The following CASZ1 variants were observed in gnomAD, a reference collection of about 807,000 sequenced individuals.
The protein encoded by CASZ1 is zinc finger protein castor homolog 1.
In CASZ1, 28 loss-of-function variants were observed where a neutral mutation model predicts 135.2. The observed-to-expected ratio is 0.21, with a 90% CI of 0.15 to 0.28. CASZ1 has a LOEUF of 0.28. Among genes scored for constraint, CASZ1 ranks in the 10% least tolerant of loss-of-function variants. CASZ1 has a pLI of 1.00. For missense variants in CASZ1, 2,161 were observed against 2,453.3 expected (o/e 0.88, Z 2.52); for synonymous variants, 1,068 against 1,073.4 (o/e 0.99, Z 0.10).
At position 10,756,138 on chromosome 1, in the gene CASZ1, C is replaced by G. The variant is rs1198229374; in HGVS notation, c.-77+4563G>C. On this transcript the variant is annotated intron_variant, in intron 2 of 20. Transcript: ENST00000377022. This position sits in a 1 kb window ranked among gnomAD's most constrained non-coding sequence, Gnocchi z 5.9. ...CGCCCCTCGGAGCCAGGCAGAGGCA[C>G]CAGCTGTAGGCCTGGGAGAGCCCCA... 2.6e-5 allele frequency among the ~76,000 whole-genome samples: 4 copies of G among 152,260 alleles called. No homozygotes were observed. The East Asian group carries it at 7.7e-4, about 29-fold the overall frequency.
Position 10,665,414 on chromosome 1 carries a change from T to A in CASZ1, c.174A>T (p.Pro58=), listed in dbSNP as rs1643200239. The change falls in exon 5 of 21, where the codon CCA becomes CCT. Residue 58 remains proline, a synonymous_variant. Coordinates refer to ENST00000377022, the MANE Select transcript of CASZ1 (RefSeq NM_001079843.3). The part of the protein sequence containing the change: ...ADAGSHTEGS[P]SQPRDQERSG... The stretch of plus-strand genomic sequence containing the variant: ...TGCGCTCTTGGTCCCGGGGCTGCGA[T>A]GGGCTGCCCTCCGTGTGGGAGCCGG... The A allele has an allele frequency of 6.2e-7, 1 of 1,612,616 alleles. No homozygotes were observed. Among genetic ancestry groups the A allele is most frequent in the South Asian group, 1.1e-5 (1 of 91,050 alleles).
rs1332430285 is a variant in CASZ1 at position 10,649,185 on chromosome 1, T to C, written c.3043A>G (p.Thr1015Ala). 3 of 1,613,490 alleles carry C rather than the reference T, an allele frequency of 1.9e-6. No homozygotes were observed. Among genetic ancestry groups the C allele is most frequent in the Non-Finnish European group, 2.5e-6 (3 of 1,179,990 alleles). The change falls in exon 15 of 21, where the codon ACA becomes GCA. Residue 1015 changes from threonine to alanine, a missense_variant. Around this residue, in one of 7 missense-constraint regions of CASZ1, gnomAD observed 349 missense variants for 460.8 expected, o/e 0.76. Transcript: ENST00000377022. Reference sequence around the variant, plus strand: ...CACTGGCCGTCACAGAAGTCCTTTGTACCAAACCTAGCCAGAGGAGCTGGC... The same window carrying C: ...CACTGGCCGTCACAGAAGTCCTTTGCACCAAACCTAGCCAGAGGAGCTGGC... The part of the protein sequence containing the change: ...PWKVYLRRFG[T>A]KDFCDGQCDF...
rs1642266690 is a variant in CASZ1, at chr1:10,643,257, T to C, written c.3923A>G (p.Gln1308Arg). The change falls in exon 19 of 21, where the codon CAG becomes CGG. Residue 1308 changes from glutamine (Q) to arginine (R), a missense_variant. This residue lies in a region of CASZ1 where 349 missense variants were observed against 460.8 expected (regional missense o/e 0.76). Transcript: ENST00000377022. ...CTGGTGCTTGAGGAGGAAGGAGAACTGGCAGCCCTCCCGGATGCAGTGGAA... is the reference window on the plus strand; with the variant it reads ...CTGGTGCTTGAGGAGGAAGGAGAACCGGCAGCCCTCCCGGATGCAGTGGAA... ...SHFHCIREGC[Q>R]FSFLLKHQMT... is the part of the protein sequence containing the mutation. 12 of 1,613,092 alleles carry C rather than the reference T, an allele frequency of 7.4e-6. No homozygotes were observed. Among genetic ancestry groups the C allele is most frequent in the Non-Finnish European group, 9.3e-6 (11 of 1,180,014 alleles).
rs920858035 is a variant in CASZ1, at chr1:10,756,090, A to G, written c.-77+4611T>C. Reference sequence around the variant, plus strand: ...CCCAGTGTTCTGAGGCCTGGCAGACACGCCCAGGAAGACTGGCTGACACGC... The same window carrying G: ...CCCAGTGTTCTGAGGCCTGGCAGACGCGCCCAGGAAGACTGGCTGACACGC... On this transcript the variant is annotated intron_variant, in intron 2 of 20. Transcript: ENST00000377022. This position sits in a 1 kb window ranked among gnomAD's most constrained non-coding sequence, Gnocchi z 5.9. Among the ~76,000 whole-genome samples, 2 of 151,890 alleles carry G rather than the reference A, an allele frequency of 1.3e-5. No individual in the cohort carries two copies. The highest frequency in any genetic ancestry group is 2.9e-5 in the Non-Finnish European group (2 of 67,946).
At position 10,739,733 on chromosome 1, in the gene CASZ1, C is replaced by T. The variant is rs1202482815; in HGVS notation, c.-77+20968G>A. ...CCTGCAGCTCCTCCCTCCTGTTTCTCTGGGCCCTCTCTTTGGGGTTCTGGT... is the reference window on the plus strand; with the variant it reads ...CCTGCAGCTCCTCCCTCCTGTTTCTTTGGGCCCTCTCTTTGGGGTTCTGGT... On this transcript the variant is annotated intron_variant, in intron 2 of 20. Coordinates refer to ENST00000377022, the MANE Select transcript of CASZ1 (RefSeq NM_001079843.3). The surrounding 1 kb of genome is among the most constrained non-coding windows in gnomAD (Gnocchi z 4.8). Among the ~76,000 whole-genome samples, 3 of 152,226 alleles carry T rather than the reference C, an allele frequency of 2.0e-5. No individual in the cohort carries two copies. Among genetic ancestry groups the T allele is most frequent in the Non-Finnish European group, 2.9e-5 (2 of 68,032 alleles).
rs747495658 is a variant in CASZ1 at position 10,649,398 on chromosome 1, T to G, written c.2920A>C (p.Ile974Leu). The G allele has an allele frequency of 1.2e-6, 2 of 1,611,296 alleles. No homozygotes were observed. Among genetic ancestry groups the G allele is most frequent in the Non-Finnish European group, 1.7e-6 (2 of 1,179,202 alleles). ...GGGCTCCCCTCCGCTTCCGCCTTGA[T>G]GTTCAGCAGGCTGCCCAGGCCAGGG... ...GNPGLGSLLN[I>L]KAEAEGSPAA... The change falls in exon 14 of 21, where the codon ATC (isoleucine) becomes CTC (leucine). Residue 974 changes from isoleucine (I) to leucine (L), a missense_variant. This residue lies in a region of CASZ1 where 406 missense variants were observed against 387.6 expected (regional missense o/e 1.05). Coordinates refer to ENST00000377022, the MANE Select transcript of CASZ1 (RefSeq NM_001079843.3).
chr1:10,650,630 C>G, intron 13 of CASZ1, 62 bp downstream of exon 13: 1 of 1,393,912 alleles, frequency 7.2e-7, no homozygotes, highest in Admixed American at 1.7e-5. Context: ...CCCCCCACCC[C>G]CCAGCACAGC....
chr1:10,790,800 G>A (rs184835710), intron 1 of CASZ1, among the ~76,000 whole-genome samples: 54 of 152,216 alleles, frequency 3.5e-4, no homozygotes, highest in Admixed American at 3.0e-3. Context: ...TTTAAAAAGG[G>A]GGAGAGGATG....
chr1:10,786,385 G>A (rs1471365261), intron 1 of CASZ1, among the ~76,000 whole-genome samples: 1 of 152,180 alleles, frequency 6.6e-6, no homozygotes, highest in East Asian at 1.9e-4. Context: ...CCCCAGGCAG[G>A]CCAGAGAGGT....
chr1:10,660,470 T>C lies in CASZ1; in HGVS notation c.572A>G (p.Tyr191Cys), dbSNP rs1398918975. 8 of 1,614,000 alleles carry C rather than the reference T, an allele frequency of 5.0e-6. No individual in the cohort carries two copies. The Admixed American group carries it at 5.0e-5, about 10-fold the overall frequency. ...CTCGTCCCGCGTGTTCTGGTCATCA[T>C]AGCCAAACATGCCGAGGAACTCGGT... ...TMTEFLGMFGYDDQNTRDELA... is the reference protein window; with the variant it reads ...TMTEFLGMFGCDDQNTRDELA... Residue 191 changes from tyrosine to cysteine, a missense_variant, in exon 6 of 21, where the codon TAT (tyrosine) becomes TGT (cysteine). Physicochemically the swap from Tyr to Cys is radical, Grantham distance 194. Around this residue, in one of 7 missense-constraint regions of CASZ1, gnomAD observed 590 missense variants for 609.8 expected, o/e 0.97. Coordinates refer to ENST00000377022, the MANE Select transcript of CASZ1 (RefSeq NM_001079843.3).
At chr1:10,715,848 C>T (rs1348088627) in intron 2 of CASZ1, among the ~76,000 whole-genome samples, 1 of 121,962 alleles carries the variant, frequency 8.2e-6, no homozygotes, top group African/African-American at 3.5e-5. Context: ...CCAATCCACT[C>T]CCCGCAGCAC....
At chr1:10,678,425 TG>T (rs1228240773) in intron 4 of CASZ1, among the ~76,000 whole-genome samples, 9 of 45,120 alleles carry the variant, frequency 2.0e-4, no homozygotes, top group South Asian at 8.3e-4. Flanking sequence ...TGGGTGGGGG[TG>T]GGGGGGTCTG....
intron 2 of CASZ1, among the ~76,000 whole-genome samples, chr1:10,749,560 A>G (rs564368117): frequency 1.3e-5 from 2 of 152,094 alleles, no homozygotes; most frequent in Admixed American, 1.3e-4. Context: ...CTTTCCTTTT[A>G]TGCTGCAAAC....
chr1:10,666,899 G>A lies in CASZ1; in HGVS notation c.17-1328C>T, dbSNP rs1337704717. 6.6e-6 allele frequency among the ~76,000 whole-genome samples: 1 copy of A among 152,228 alleles called. No individual in the cohort carries two copies. Among genetic ancestry groups the A allele is most frequent in the African/African-American group, 2.4e-5 (1 of 41,452 alleles). The stretch of plus-strand genomic sequence containing the variant: ...GGGCCAGACCCTGTGGTGGGGCTTG[G>A]GGACAGCGCAGTGGCCACAGCAGCA... On this transcript the variant is annotated intron_variant, in intron 4 of 20. Coordinates refer to ENST00000377022, the MANE Select transcript of CASZ1 (RefSeq NM_001079843.3). The surrounding 1 kb of genome is among the most constrained non-coding windows in gnomAD (Gnocchi z 5.2).
At position 10,652,969 on chromosome 1, in the gene CASZ1, C is replaced by T. The variant is rs370709534; in HGVS notation, c.2680+408G>A. The T allele has an allele frequency of 3.2e-5, 9 of 277,884 alleles. No individual in the cohort carries two copies. In the East Asian group the frequency reaches 4.7e-4, roughly 15 times the overall value. The allele number at this position is 277,884 out of a possible 1,614,324, so 17.2% of individuals were successfully genotyped here. On this transcript the variant is annotated intron_variant, in intron 11 of 20. Transcript: ENST00000377022. ...GCAGCCCCACTACCGCTGGGCTGGA[C>T]GCAGGCCCTGCTCCAGGTCAGCTGG...
intron 1 of CASZ1, among the ~76,000 whole-genome samples, chr1:10,766,490 C>A (rs1417058544): frequency 6.6e-6 from 1 of 152,194 alleles, no homozygotes; most frequent in Non-Finnish European, 1.5e-5. Flanking sequence ...CCAAGTAGGT[C>A]CCCTAGAGCC....
At chr1:10,779,153 T>C (rs1043511609) in intron 1 of CASZ1, among the ~76,000 whole-genome samples, 1 of 152,172 alleles carries the variant, frequency 6.6e-6, no homozygotes, top group Non-Finnish European at 1.5e-5. Flanking sequence ...TACCTTGTTT[T>C]TCTTTTCCTT....
At chr1:10,771,456 T>G (rs1640575090) in intron 1 of CASZ1, among the ~76,000 whole-genome samples, 1 of 152,016 alleles carries the variant, frequency 6.6e-6, no homozygotes, top group East Asian at 1.9e-4. Context: ...TATCAAACAA[T>G]CAGCCCTGTG....
chr1:10,643,395 A>G (rs1642270101), intron 18 of CASZ1, 84 bp from the exon 19 acceptor site: 5 of 1,456,180 alleles, frequency 3.4e-6, no homozygotes, highest in Non-Finnish European at 3.8e-6. Flanking sequence ...TGTTCTGGGC[A>G]TGGGGGCAGT....
Sources: gnomAD v4.1 joint callset for allele counts (sites outside exome capture counted in the v4.1 genomes callset) on GRCh38, gnomAD v4.1.1 for gene constraint, gnomAD v4.1.1 regional missense constraint, Gnocchi (gnomAD v3.1) non-coding constraint, MANE v1.5 for transcripts, NCBI Gene and HGNC (gene_info 2026-07-23, HGNC 2026-07-21) for gene names.